The following HPSE2 variants were observed in gnomAD, a reference collection of about 807,000 sequenced individuals.
HPSE2 encodes heparanase 2 (inactive).
HPSE2 carries 38 observed loss-of-function variants against 60.5 expected under a neutral mutation model. The ratio of observed to expected loss-of-function variants is 0.63; its 90% CI spans 0.48 to 0.82. The LOEUF is 0.82. Among genes scored for constraint, HPSE2 ranks in the 40% least tolerant of loss-of-function variants. The pLI is 0.00. For missense variants in HPSE2, 713 were observed against 740.4 expected (o/e 0.96, Z 0.43); for synonymous variants, 295 against 293.2 (o/e 1.01, Z -0.06).
intron 9 of HPSE2, among the ~76,000 whole-genome samples, chr10:98,504,263 A>G (rs1183349901): frequency 6.6e-6 from 1 of 152,002 alleles, no homozygotes; most frequent in African/African-American, 2.4e-5. Flanking sequence ...TATTTTTTTC[A>G]GGACTATTTC....
chr10:98,683,758 C>A (rs1039060556), intron 6 of HPSE2, among the ~76,000 whole-genome samples: 6 of 151,814 alleles, frequency 4.0e-5, no homozygotes, highest in Admixed American at 3.9e-4. Context: ...ATGACATTAT[C>A]AAAGAAAAAA....
chr10:99,169,861 T>TA (rs1483609375), intron 2 of HPSE2, among the ~76,000 whole-genome samples: 1 of 152,190 alleles, frequency 6.6e-6, no homozygotes, highest in Non-Finnish European at 1.5e-5. Context: ...TTGTGGGTCA[T>TA]ACAATCTCTT....
At chr10:98,916,753 G>A (rs1412578714) in intron 3 of HPSE2, among the ~76,000 whole-genome samples, 1 of 152,122 alleles carries the variant, frequency 6.6e-6, no homozygotes, top group African/African-American at 2.4e-5. Context: ...TTATATTCTG[G>A]AAGATAGTCA....
chr10:98,533,307 G>C (rs1219605022), intron 9 of HPSE2, among the ~76,000 whole-genome samples: 2 of 152,190 alleles, frequency 1.3e-5, no homozygotes, highest in Admixed American at 1.3e-4. Context: ...TAGAAGGTAG[G>C]CTTTTGGAGG....
chr10:98,617,519 T>A (rs970794553), intron 8 of HPSE2, among the ~76,000 whole-genome samples: 1 of 152,186 alleles, frequency 6.6e-6, no homozygotes. Flanking sequence ...CATCCCTATA[T>A]GCATATGCAA....
At chr10:98,735,490 G>C (rs1035884847) in intron 4 of HPSE2, among the ~76,000 whole-genome samples, 3 of 151,694 alleles carry the variant, frequency 2.0e-5, no homozygotes, top group Non-Finnish European at 1.5e-5. Context: ...TCCCCACTGG[G>C]GCACTGCCTA....
intron 3 of HPSE2, among the ~76,000 whole-genome samples, chr10:98,898,539 G>A (rs10786484): frequency 0.64 from 97,079 of 151,960 alleles, 32,039 homozygotes; most frequent in South Asian, 0.79. Flanking sequence ...TATCAAGATA[G>A]TAAAAAGATC....
At chr10:99,116,211 T>G (rs1844683357) in intron 3 of HPSE2, among the ~76,000 whole-genome samples, 1 of 151,848 alleles carries the variant, frequency 6.6e-6, no homozygotes, top group Non-Finnish European at 1.5e-5. Context: ...CAAGAAACAC[T>G]GATCTAGATT....
intron 3 of HPSE2, among the ~76,000 whole-genome samples, chr10:98,796,412 G>A (rs967900360): frequency 1.3e-5 from 2 of 152,210 alleles, no homozygotes; most frequent in East Asian, 1.9e-4. Flanking sequence ...TGCTGATGGT[G>A]GTGGCCACAC....
chr10:98,917,423 C>T (rs1403620229), intron 3 of HPSE2, among the ~76,000 whole-genome samples: 1 of 152,064 alleles, frequency 6.6e-6, no homozygotes, highest in Non-Finnish European at 1.5e-5. Context: ...ATTATATAAG[C>T]AATCATCACG....
chr10:99,250,166 A>G, the HPSE2 span, among the ~76,000 whole-genome samples: 3 of 146,712 alleles, frequency 2.0e-5, no homozygotes, highest in African/African-American at 5.0e-5. Context: ...AAAAGTGGGT[A>G]GCACCTCCCC....
At chr10:98,689,958 A>C (rs1322479151) in intron 6 of HPSE2, among the ~76,000 whole-genome samples, 1 of 152,188 alleles carries the variant, frequency 6.6e-6, no homozygotes. Flanking sequence ...TCTGTCTCTC[A>C]TGTGACAAAT....
intron 11 of HPSE2, among the ~76,000 whole-genome samples, chr10:98,473,484 C>CAAAAA (rs752065277): frequency 6.8e-5 from 3 of 44,274 alleles, no homozygotes; most frequent in Admixed American, 2.5e-4. Flanking sequence ...GACTCTGTCT[C>CAAAAA]AAAAAAAAAA....
chr10:99,111,823 A>G (rs11189972), intron 3 of HPSE2, among the ~76,000 whole-genome samples: 74,752 of 152,112 alleles, frequency 0.49, 20,822 homozygotes, highest in East Asian at 0.65. Flanking sequence ...CCTTTATGAA[A>G]AGCCCTTTAA....
At chr10:98,606,330 A>G (rs1565008532) in intron 9 of HPSE2, among the ~76,000 whole-genome samples, 1 of 152,252 alleles carries the variant, frequency 6.6e-6, no homozygotes, top group East Asian at 1.9e-4. Flanking sequence ...ACAGTTCTCA[A>G]TTCTGGCTTC....
intron 3 of HPSE2, among the ~76,000 whole-genome samples, chr10:99,049,513 C>T (rs1957941203): frequency 6.6e-6 from 1 of 151,726 alleles, no homozygotes. Flanking sequence ...CTTTTGAAAG[C>T]AAGAGAAAAA....
chr10:98,907,508 C>A (rs1191977857), intron 3 of HPSE2, among the ~76,000 whole-genome samples: 1 of 152,142 alleles, frequency 6.6e-6, no homozygotes, highest in Admixed American at 6.5e-5. Context: ...ACACAGTTTT[C>A]TTTCTTCAGC....
intron 2 of HPSE2, among the ~76,000 whole-genome samples, chr10:99,231,547 A>AT (rs918723922): frequency 6.6e-6 from 1 of 152,184 alleles, no homozygotes; most frequent in Admixed American, 6.5e-5. Flanking sequence ...TAGCATTTTC[A>AT]TTTTTTATCC....
chr10:98,934,676 G>C (rs536606126), intron 3 of HPSE2, among the ~76,000 whole-genome samples: 1 of 144,006 alleles, frequency 6.9e-6, no homozygotes, highest in African/African-American at 2.8e-5. Flanking sequence ...CCCTTTGTAG[G>C]TGACCTGGCC....
Sources: allele counts gnomAD v4.1 joint callset (sites outside exome capture counted in the v4.1 genomes callset), GRCh38; gene constraint gnomAD v4.1.1; transcripts MANE v1.5; gene names NCBI Gene and HGNC (gene_info 2026-07-23, HGNC 2026-07-21).